Variants in FOXK2 observed in about 807,000 individuals in gnomAD.
FOXK2 encodes forkhead box K2, also known as forkhead box protein K2.
In FOXK2, 24 loss-of-function variants were observed where a neutral mutation model predicts 53.3. That is an observed-to-expected ratio of 0.45 (90% CI 0.33 to 0.63). The LOEUF (loss-of-function observed/expected upper bound fraction) is 0.63. FOXK2 is among the 30% of genes least tolerant of loss of function. FOXK2 has a pLI of 0.03. For synonymous variants in FOXK2, 505 were observed against 407.1 expected (o/e 1.24, Z -2.89); for missense variants, 952 against 910.5 (o/e 1.05, Z -0.59).
chr17:82,520,345 C>A (rs1233072482), intron 1 of FOXK2, 38 bp downstream of exon 1: 4 of 1,238,114 alleles, frequency 3.2e-6, no homozygotes, highest in Non-Finnish European at 4.1e-6. Context: ...GGGTCTGCGG[C>A]CTGCAGCGCC....
intron 1 of FOXK2, among the ~76,000 whole-genome samples, chr17:82,558,343 G>A (rs961189425): frequency 2.0e-5 from 3 of 152,160 alleles, no homozygotes; most frequent in Non-Finnish European, 4.4e-5. Context: ...GCCTGAAAAC[G>A]AAAAGGAAAC....
chr17:82,601,164 T>C (rs1286817068), intron 8 of FOXK2, 139 bp from the exon 9 acceptor site: 1 of 913,984 alleles, frequency 1.1e-6, no homozygotes, highest in Non-Finnish European at 1.6e-6. Context: ...GGCCTGGGAG[T>C]GGCAGGACCC....
rs533195487 is a variant in FOXK2 at position 82,546,577 on chromosome 17, C to T, written c.420-16777C>T. ...GAGGGAGAGGTAATCTGTAGAGTGC[C>T]CCAAGAGTGAAGTGCTGCGTCCCAG... On this transcript the variant is annotated intron_variant, in intron 1 of 8. Coordinates refer to ENST00000335255, the MANE Select transcript of FOXK2 (RefSeq NM_004514.4). 1.8e-4 allele frequency among the ~76,000 whole-genome samples: 27 copies of T among 151,958 alleles called. No homozygotes were observed. The South Asian group carries it at 5.0e-3, about 28-fold the overall frequency.
chr17:82,572,221 A>G lies in FOXK2; in HGVS notation c.909+351A>G, dbSNP rs540419205. 9 of 179,536 alleles carry G rather than the reference A, an allele frequency of 5.0e-5. No individual in the cohort carries two copies. In the South Asian group the frequency reaches 1.6e-3, roughly 31 times the overall value. 11.1% of individuals were successfully genotyped at this position (179,536 alleles called of 1,614,324 possible). On this transcript the variant is annotated intron_variant, in intron 4 of 8. Transcript: ENST00000335255. ...GTAGGAGAAATTTAAAACCCAGCCT[A>G]TCCTTCCCTTTGGCATTCTCCTGTC...
At chr17:82,553,088 A>G (rs2044692303) in intron 1 of FOXK2, among the ~76,000 whole-genome samples, 1 of 152,078 alleles carries the variant, frequency 6.6e-6, no homozygotes, top group African/African-American at 2.4e-5. Context: ...GTCACGCGCC[A>G]CCACACCTGG....
At chr17:82,579,038 A>T (rs767984282) in intron 4 of FOXK2, among the ~76,000 whole-genome samples, 1 of 152,144 alleles carries the variant, frequency 6.6e-6, no homozygotes, top group Non-Finnish European at 1.5e-5. Flanking sequence ...TCAGACTCGG[A>T]TGCTGCGTGG....
intron 8 of FOXK2, among the ~76,000 whole-genome samples, chr17:82,594,164 T>C (rs12150481): frequency 0.46 from 69,793 of 152,088 alleles, 18,025 homozygotes; most frequent in Non-Finnish European, 0.56. Flanking sequence ...TCAAGTGTTA[T>C]GACGTAGGTT....
chr17:82,527,576 C>T (rs1244932686), intron 1 of FOXK2, among the ~76,000 whole-genome samples: 2 of 152,132 alleles, frequency 1.3e-5, no homozygotes, highest in Admixed American at 6.5e-5. Flanking sequence ...TTGTGGTGAG[C>T]TGAGATGGCG....
chr17:82,587,365 T>C, intron 8 of FOXK2, 93 bp downstream of exon 8: 1 of 963,510 alleles, frequency 1.0e-6, no homozygotes, highest in Non-Finnish European at 1.6e-6. Context: ...TGTAACAATT[T>C]TAGCTTTTGT....
chr17:82,577,338 C>G (rs2045000295), intron 4 of FOXK2: 1 of 761,922 alleles, frequency 1.3e-6, no homozygotes, highest in Non-Finnish European at 2.2e-6. Context: ...ACAGCAAATT[C>G]ATCAGAGGTG....
At chr17:82,593,911 T>G (rs1371574241) in intron 8 of FOXK2, 1 of 152,312 alleles carries the variant, frequency 6.6e-6, no homozygotes, top group Non-Finnish European at 1.5e-5. Flanking sequence ...CGCCACTGGA[T>G]TGACAGCCCC....
chr17:82,527,539 T>C (rs371768788), intron 1 of FOXK2, among the ~76,000 whole-genome samples: 49 of 152,132 alleles, frequency 3.2e-4, no homozygotes, highest in African/African-American at 1.1e-3. Flanking sequence ...TGAGGCAGGA[T>C]AATCACTTGA....
chr17:82,546,143 G>T (rs1599888260), intron 1 of FOXK2, among the ~76,000 whole-genome samples: 2 of 123,352 alleles, frequency 1.6e-5, no homozygotes, highest in Non-Finnish European at 1.6e-5. Flanking sequence ...TTGAGATGGA[G>T]TCTCGCTTGG....
chr17:82,562,319 G>T (rs1202264235), intron 1 of FOXK2, among the ~76,000 whole-genome samples: 1 of 152,190 alleles, frequency 6.6e-6, no homozygotes, highest in African/African-American at 2.4e-5. Context: ...CATGGCTCAC[G>T]CCTGTAATCC....
intron 7 of FOXK2, 40 bp downstream of exon 7, chr17:82,586,240 A>T: frequency 2.1e-6 from 2 of 966,060 alleles, no homozygotes; most frequent in Non-Finnish European, 2.7e-6. Flanking sequence ...GACCACAGGG[A>T]GGTGAAAGGT....
chr17:82,540,349 A>C (rs947896467), intron 1 of FOXK2, among the ~76,000 whole-genome samples: 1 of 151,802 alleles, frequency 6.6e-6, no homozygotes, highest in Admixed American at 6.6e-5. Context: ...ATTGGAGGTA[A>C]GAGATTTTGG....
At chr17:82,557,676 T>A (rs566055185) in intron 1 of FOXK2, among the ~76,000 whole-genome samples, 2 of 151,940 alleles carry the variant, frequency 1.3e-5, no homozygotes, top group Admixed American at 1.3e-4. Context: ...AGAAATGGGA[T>A]CTTGCTCTGT....
intron 4 of FOXK2, among the ~76,000 whole-genome samples, chr17:82,582,216 A>C (rs1291935494): frequency 6.6e-6 from 1 of 152,208 alleles, no homozygotes; most frequent in Non-Finnish European, 1.5e-5. Flanking sequence ...TGGAATGCTC[A>C]GTGCTGACAG....
At chr17:82,549,816 G>A (rs537426944) in intron 1 of FOXK2, among the ~76,000 whole-genome samples, 3 of 152,180 alleles carry the variant, frequency 2.0e-5, no homozygotes, top group African/African-American at 7.2e-5. Flanking sequence ...GAGGACATCC[G>A]CCATTTCCTA....
Sources: gnomAD v4.1 joint callset for allele counts (sites outside exome capture counted in the v4.1 genomes callset) on GRCh38, gnomAD v4.1.1 for gene constraint, MANE v1.5 for transcripts, NCBI Gene and HGNC (gene_info 2026-07-23, HGNC 2026-07-21) for gene names.